Variants in CACNA1E observed in about 807,000 individuals in gnomAD.
CACNA1E encodes voltage-dependent R-type calcium channel subunit alpha-1E.
Under a neutral mutation model 259.2 loss-of-function variants are expected in CACNA1E, and 40 were observed. The ratio of observed to expected loss-of-function variants is 0.15; its 90% CI spans 0.12 to 0.20. The LOEUF is 0.20. Among genes scored for constraint, CACNA1E ranks in the 10% least tolerant of loss-of-function variants. The pLI is 1.00. For synonymous variants in CACNA1E, 1,104 were observed against 1,138.5 expected (o/e 0.97, Z 0.61); for missense variants, 1,874 against 3,040.1 (o/e 0.62, Z 9.02).
intron 1 of CACNA1E, among the ~76,000 whole-genome samples, chr1:181,501,395 C>CA (rs1665238464): frequency 6.6e-6 from 1 of 152,222 alleles, no homozygotes; most frequent in African/African-American, 2.4e-5. Flanking sequence ...AAGTAGCAAT[C>CA]ATGTGCACTT....
At chr1:181,612,076 C>A (rs1209125368) in intron 6 of CACNA1E, among the ~76,000 whole-genome samples, 3 of 152,218 alleles carry the variant, frequency 2.0e-5, no homozygotes, top group Non-Finnish European at 4.4e-5. Context: ...GAAAACACGA[C>A]ACTTGAGATT....
intron 1 of CACNA1E, among the ~76,000 whole-genome samples, chr1:181,342,697 T>C (rs1413967271): frequency 6.6e-6 from 1 of 152,130 alleles, no homozygotes; most frequent in African/African-American, 2.4e-5. Context: ...GGTGATAAAA[T>C]ATAAGAATAG....
At chr1:181,752,321 A>C in intron 27 of CACNA1E, 82 bp downstream of exon 27, 1 of 1,015,162 alleles carries the variant, frequency 9.9e-7, no homozygotes. Context: ...CCTTTGGAGA[A>C]TTTGTTCTGG....
chr1:181,510,265 A>G (rs1346016635), intron 1 of CACNA1E, among the ~76,000 whole-genome samples: 2 of 152,206 alleles, frequency 1.3e-5, no homozygotes, highest in African/African-American at 4.8e-5. Flanking sequence ...CTTTGTGTTC[A>G]GAGACCAGGC....
At chr1:181,410,717 A>C (rs1657786073) in intron 1 of CACNA1E, among the ~76,000 whole-genome samples, 1 of 152,200 alleles carries the variant, frequency 6.6e-6, no homozygotes, top group Non-Finnish European at 1.5e-5. Context: ...CTAGGACTTG[A>C]AATCTGAGTT....
At chr1:181,765,568 C>T (rs945938722) in intron 34 of CACNA1E, among the ~76,000 whole-genome samples, 2 of 152,186 alleles carry the variant, frequency 1.3e-5, no homozygotes, top group Admixed American at 6.5e-5. Flanking sequence ...TCTCATAGGG[C>T]TCTTCATTTT....
At chr1:181,353,529 A>T (rs994695948) in intron 1 of CACNA1E, among the ~76,000 whole-genome samples, 1 of 152,230 alleles carries the variant, frequency 6.6e-6, no homozygotes, top group African/African-American at 2.4e-5. Flanking sequence ...CTCTTGAGAG[A>T]GAGAGAGCAT....
rs1160915531 is a variant in CACNA1E at position 181,771,403 on chromosome 1, G to C, written c.4973+19G>C. On this transcript the variant is annotated intron_variant, in intron 36 of 47. Transcript: ENST00000367573. ...TCTTCAGGTACCTGGATGCGTAACT[G>C]TCATAGCTGGGGTTCTCCTGATGGA... 3.7e-6 allele frequency: 5 copies of C among 1,359,668 alleles called. No individual in the cohort carries two copies. In the Admixed American group the frequency reaches 5.4e-5, roughly 15 times the overall value. 84.2% of individuals were successfully genotyped at this position (1,359,668 alleles called of 1,614,324 possible).
At position 181,800,354 on chromosome 1, in the gene CACNA1E, T is replaced by A. The variant is rs1232834770; in HGVS notation, c.*1520T>A. ...CCCTCCCCAGAGTAAGAGCTGGGGC[T>A]GACAGTCCCACCCTGTCATTCCTAA... On this transcript the variant is annotated 3_prime_UTR_variant, in exon 48 of 48. Transcript: ENST00000367573. 1 of 152,624 alleles carries A rather than the reference T, an allele frequency of 6.6e-6. No homozygotes were observed. 9.5% of individuals were successfully genotyped at this position (152,624 alleles called of 1,614,324 possible).
At chr1:181,366,509 C>A (rs1480340105) in intron 1 of CACNA1E, among the ~76,000 whole-genome samples, 1 of 151,938 alleles carries the variant, frequency 6.6e-6, no homozygotes, top group Non-Finnish European at 1.5e-5. Flanking sequence ...TCTTTTTTTG[C>A]AACTTGAGAA....
intron 6 of CACNA1E, among the ~76,000 whole-genome samples, chr1:181,614,171 G>A (rs188440565): frequency 2.1e-4 from 32 of 152,138 alleles, no homozygotes; most frequent in Non-Finnish European, 2.9e-4. Context: ...ACCTGCTGAC[G>A]TAGCTGCTAC....
At chr1:181,743,756 C>T (rs906844104) in intron 25 of CACNA1E, among the ~76,000 whole-genome samples, 4 of 152,258 alleles carry the variant, frequency 2.6e-5, no homozygotes, top group Non-Finnish European at 2.9e-5. Flanking sequence ...CTCTACAGCA[C>T]GTTACTTGAC....
At chr1:181,583,026 G>A (rs968636789) in intron 6 of CACNA1E, among the ~76,000 whole-genome samples, 1 of 151,722 alleles carries the variant, frequency 6.6e-6, no homozygotes, top group Admixed American at 6.6e-5. Flanking sequence ...TCTGATGGCT[G>A]GATTTAGGGC....
chr1:181,715,441 G>A (rs894157921), intron 9 of CACNA1E, 50 bp downstream of exon 9: 2 of 1,022,276 alleles, frequency 2.0e-6, no homozygotes, highest in Non-Finnish European at 3.1e-6. Context: ...CCCCTCTTAG[G>A]CGATGGCAAT....
intron 7 of CACNA1E, among the ~76,000 whole-genome samples, chr1:181,674,262 G>A (rs901731391): frequency 9.3e-5 from 14 of 150,616 alleles, no homozygotes; most frequent in Admixed American, 2.6e-4. Flanking sequence ...GCATGGCAGC[G>A]TGCGCCTCTA....
At chr1:181,491,492 TG>T (rs1664312869) in intron 1 of CACNA1E, among the ~76,000 whole-genome samples, 2 of 152,228 alleles carry the variant, frequency 1.3e-5, no homozygotes, top group East Asian at 3.8e-4. Flanking sequence ...TTGCTGTACA[TG>T]GTTTTGTTAT....
chr1:181,623,716 G>A (rs1016222361), intron 6 of CACNA1E, among the ~76,000 whole-genome samples: 22 of 152,124 alleles, frequency 1.4e-4, no homozygotes, highest in African/African-American at 4.1e-4. Context: ...CAATAACATC[G>A]TGTCAAAAAA....
intron 1 of CACNA1E, among the ~76,000 whole-genome samples, chr1:181,338,877 C>A (rs1651926908): frequency 6.7e-6 from 1 of 150,322 alleles, no homozygotes; most frequent in East Asian, 1.9e-4. Flanking sequence ...TTTTTTTTGC[C>A]TGTGGATATA....
At chr1:181,398,984 T>C (rs890381029) in intron 1 of CACNA1E, among the ~76,000 whole-genome samples, 1 of 152,350 alleles carries the variant, frequency 6.6e-6, no homozygotes, top group East Asian at 1.9e-4. Context: ...TCAGAAATTC[T>C]GTCTACACTA....
Sources: gnomAD v4.1 joint callset for allele counts (sites outside exome capture counted in the v4.1 genomes callset) on GRCh38, gnomAD v4.1.1 for gene constraint, MANE v1.5 for transcripts, NCBI Gene and HGNC (gene_info 2026-07-23, HGNC 2026-07-21) for gene names.